The following NELL1 variants were observed in gnomAD, a reference collection of about 807,000 sequenced individuals.
NELL1 encodes neural EGFL like 1.
In NELL1, 76 loss-of-function variants were observed where a neutral mutation model predicts 107.4. That is an observed-to-expected ratio of 0.71 (90% CI 0.59 to 0.86). NELL1 has a LOEUF of 0.86. NELL1 is among the 40% of genes least tolerant of loss of function. The probability of loss-of-function intolerance (pLI) is 0.00; values close to 1 mark genes in which losing one functional copy is unlikely to be tolerated. For missense variants in NELL1, 1,024 were observed against 1,005.5 expected, an observed-to-expected ratio of 1.02 and a Z score of -0.25; for synonymous variants, 353 against 341.2, an observed-to-expected ratio of 1.03 and a Z score of -0.38.
chr11:21,315,187 T>C (rs1437758904), intron 14 of NELL1, among the ~76,000 whole-genome samples: 1 of 152,142 alleles, frequency 6.6e-6, no homozygotes, highest in African/African-American at 2.4e-5. Context: ...CAAACTGCCT[T>C]AACTATAAAC....
intron 15 of NELL1, among the ~76,000 whole-genome samples, chr11:21,483,308 T>C (rs971440686): frequency 2.0e-5 from 3 of 152,188 alleles, no homozygotes; most frequent in South Asian, 4.1e-4. Context: ...ACAGAACTGC[T>C]TCCAGGTAAA....
intron 12 of NELL1, among the ~76,000 whole-genome samples, chr11:20,970,026 G>A (rs561776934): frequency 1.4e-4 from 18 of 125,826 alleles, no homozygotes; most frequent in East Asian, 7.9e-4. Flanking sequence ...TCTTCATGGC[G>A]TATATAAATA....
At chr11:21,480,020 G>A (rs1854452988) in intron 15 of NELL1, among the ~76,000 whole-genome samples, 1 of 152,086 alleles carries the variant, frequency 6.6e-6, no homozygotes, top group Admixed American at 6.6e-5. Context: ...TTCTTATCAA[G>A]CTCTCTTTCT....
At chr11:21,441,330 C>CGTGTGTGTGTGTGT (rs201892977) in intron 15 of NELL1, among the ~76,000 whole-genome samples, 2 of 140,150 alleles carry the variant, frequency 1.4e-5, no homozygotes, top group African/African-American at 5.1e-5. Flanking sequence ...GAGGCTGTGA[C>CGTGTGTGTGTGTGT]GTGTGTGTGT....
rs934726139 is a variant in NELL1, at chr11:21,186,996, T to C, written c.1427-42336T>C. On this transcript the variant is annotated intron_variant, in intron 13 of 19. Transcript: ENST00000357134. The stretch of plus-strand genomic sequence containing the variant: ...ATATTGCTGACTGTCATTTCTGTCA[T>C]TGGTGAAATAGAAATAATAATATTC... 2.0e-5 allele frequency among the ~76,000 whole-genome samples: 3 copies of C among 151,928 alleles called. No individual in the cohort carries two copies. In the East Asian group the frequency reaches 5.8e-4, roughly 29 times the overall value.
intron 13 of NELL1, among the ~76,000 whole-genome samples, chr11:21,146,820 G>A (rs1002206546): frequency 6.6e-6 from 1 of 151,988 alleles, no homozygotes; most frequent in Non-Finnish European, 1.5e-5. Context: ...AGGTGGGGGG[G>A]ATCATCTGAG....
intron 14 of NELL1, among the ~76,000 whole-genome samples, chr11:21,303,122 TG>T (rs1403897105): frequency 3.3e-5 from 4 of 119,576 alleles, no homozygotes; most frequent in Non-Finnish European, 6.0e-5. Context: ...ATCTATCTTC[TG>T]TCTATCTATA....
intron 15 of NELL1, among the ~76,000 whole-genome samples, chr11:21,378,274 T>C (rs532999926): frequency 0.028 from 2,811 of 99,626 alleles, 89 homozygotes; most frequent in African/African-American, 0.1. Flanking sequence ...TGTATATATA[T>C]ATATATATAT....
intron 12 of NELL1, among the ~76,000 whole-genome samples, chr11:21,046,998 T>C (rs1285044879): frequency 6.6e-6 from 1 of 152,008 alleles, no homozygotes; most frequent in Non-Finnish European, 1.5e-5. Context: ...ATTACAGGTG[T>C]GAGCCCCAGC....
chr11:21,457,273 A>G (rs1853770831), intron 15 of NELL1, among the ~76,000 whole-genome samples: 1 of 152,142 alleles, frequency 6.6e-6, no homozygotes, highest in Non-Finnish European at 1.5e-5. Flanking sequence ...TTATGGGAAA[A>G]CAAAATGAAA....
chr11:21,206,406 G>C (rs1857390585), intron 13 of NELL1, among the ~76,000 whole-genome samples: 1 of 151,922 alleles, frequency 6.6e-6, no homozygotes, highest in Admixed American at 6.6e-5. Context: ...AATTATATCT[G>C]GTGAGACTTT....
At chr11:21,491,774 T>C (rs1854824232) in intron 15 of NELL1, among the ~76,000 whole-genome samples, 2 of 152,152 alleles carry the variant, frequency 1.3e-5, no homozygotes, top group South Asian at 4.1e-4. Flanking sequence ...ACTGAATCTA[T>C]AAATTACCTT....
At chr11:21,371,070 C>T (rs933304290) in intron 15 of NELL1, 122 bp downstream of exon 15, 64 of 728,386 alleles carry the variant, frequency 8.8e-5, no homozygotes, top group Middle Eastern at 5.1e-4. Flanking sequence ...TGTGTTGTGA[C>T]GGTGGATGGA....
chr11:21,208,563 C>G (rs1055200793), intron 13 of NELL1, among the ~76,000 whole-genome samples: 1 of 151,938 alleles, frequency 6.6e-6, no homozygotes, highest in African/African-American at 2.4e-5. Context: ...CCCCTCTACC[C>G]CTCCTCCCCA....
At chr11:20,880,623 C>T (rs1320049678) in intron 4 of NELL1, among the ~76,000 whole-genome samples, 1 of 152,160 alleles carries the variant, frequency 6.6e-6, no homozygotes, top group African/African-American at 2.4e-5. Flanking sequence ...GCAACAGTAA[C>T]CTTTCTGTTT....
chr11:20,705,856 T>G (rs1468352418), intron 2 of NELL1, among the ~76,000 whole-genome samples: 6 of 151,784 alleles, frequency 4.0e-5, no homozygotes, highest in African/African-American at 1.2e-4. Flanking sequence ...GTGGGCAAAG[T>G]ATATGAACAG....
chr11:21,479,357 TA>T (rs59082270), intron 15 of NELL1, among the ~76,000 whole-genome samples: 6,577 of 151,728 alleles, frequency 0.043, 318 homozygotes, highest in East Asian at 0.17. Context: ...CATTCAGCCA[TA>T]AAAAAAAGTA....
intron 7 of NELL1, among the ~76,000 whole-genome samples, chr11:20,923,645 G>A (rs561860348): frequency 2.6e-5 from 4 of 152,234 alleles, no homozygotes; most frequent in African/African-American, 9.6e-5. Flanking sequence ...ATCCCATTCT[G>A]ACTTCAATCT....
intron 12 of NELL1, among the ~76,000 whole-genome samples, chr11:21,045,514 C>A (rs1853333708): frequency 6.6e-6 from 1 of 152,204 alleles, no homozygotes; most frequent in African/African-American, 2.4e-5. Flanking sequence ...ACTATTCTAT[C>A]ACCTTCTTCC....
Sources: gnomAD v4.1 joint callset for allele counts (sites outside exome capture counted in the v4.1 genomes callset) on GRCh38, gnomAD v4.1.1 for gene constraint, MANE v1.5 for transcripts, NCBI Gene and HGNC (gene_info 2026-07-23, HGNC 2026-07-21) for gene names.